The following VPS13B variants were observed in gnomAD, a reference collection of about 807,000 sequenced individuals.
VPS13B encodes vacuolar protein sorting 13 homolog B.
A neutral mutation model predicts 426.4 loss-of-function variants in VPS13B; 285 were observed. The ratio of observed to expected loss-of-function variants is 0.67; its 90% CI spans 0.61 to 0.74. VPS13B has a LOEUF of 0.74. Ranked by LOEUF, VPS13B falls within the 30% of genes least tolerant of loss-of-function variation. The pLI is 0.00. For synonymous variants in VPS13B, 1,676 were observed against 1,676.4 expected (o/e 1.00, Z 0.01); for missense variants, 4,537 against 4,782.6 (o/e 0.95, Z 1.51).
At chr8:99,568,796 C>G (rs1330629984) in intron 31 of VPS13B, among the ~76,000 whole-genome samples, 1 of 150,640 alleles carries the variant, frequency 6.6e-6, no homozygotes, top group African/African-American at 2.4e-5. Context: ...GTGATAACCA[C>G]AAGTTTTTTT....
intron 30 of VPS13B, among the ~76,000 whole-genome samples, chr8:99,543,899 G>C (rs1823790279): frequency 1.4e-5 from 2 of 144,606 alleles, no homozygotes; most frequent in Non-Finnish European, 3.0e-5. Flanking sequence ...GTGGAAGTCA[G>C]TGTGGCGATT....
chr8:99,819,039 T>C, intron 47 of VPS13B, 151 bp downstream of exon 47: 1 of 860,872 alleles, frequency 1.2e-6, no homozygotes. Flanking sequence ...TATGAGAATG[T>C]TATTTTAAAA....
At chr8:99,633,208 A>G (rs1828919685) in intron 33 of VPS13B, among the ~76,000 whole-genome samples, 2 of 152,024 alleles carry the variant, frequency 1.3e-5, no homozygotes, top group African/African-American at 2.4e-5. Context: ...AAGGATTTGT[A>G]TGTATTTCAT....
intron 35 of VPS13B, among the ~76,000 whole-genome samples, chr8:99,680,566 C>T (rs1237219152): frequency 6.6e-6 from 1 of 152,134 alleles, no homozygotes; most frequent in African/African-American, 2.4e-5. Flanking sequence ...TAATAATTGG[C>T]AGGCATGGGT....
intron 17 of VPS13B, among the ~76,000 whole-genome samples, chr8:99,231,712 A>C (rs1816331090): frequency 6.6e-6 from 1 of 152,158 alleles, no homozygotes. Context: ...GAAACACAAG[A>C]GCAAGGTGCT....
chr8:99,744,179 G>C lies in VPS13B; in HGVS notation c.7051-22595G>C, dbSNP rs190022097. ...TGAAGGATATGAACAGACGCTTCTC[G>C]AAAGAAGACATTTATGCAGCCAAAA... On this transcript the variant is annotated intron_variant, in intron 39 of 61. Transcript: ENST00000357162. Among the ~76,000 whole-genome samples the C allele has an allele frequency of 6.3e-3, 962 of 152,126 alleles. 8 individuals are homozygous for C. The highest frequency in any genetic ancestry group is 0.022 in the African/African-American group (904 of 41,484).
chr8:99,691,482 G>C (rs936477642), intron 35 of VPS13B, among the ~76,000 whole-genome samples: 1 of 151,652 alleles, frequency 6.6e-6, no homozygotes, highest in Non-Finnish European at 1.5e-5. Flanking sequence ...TATTGTGCAC[G>C]GGTGACTCAA....
rs1186174436 is a variant in VPS13B, at chr8:99,156,647, G to A, written c.2112G>A (p.Val704=). ...ATAAAATTAATCTGGAACATTCAGT[G>A]CCAATGTATGCTGAACAGTTGGTGC... is the stretch of plus-strand genomic sequence containing the variant. ...LVDKINLEHS[V]PMYAEQLVHV... The change falls in exon 15 of 62, where the codon GTG becomes GTA. Residue 704 remains valine, a synonymous_variant. Transcript: ENST00000357162. 6.2e-7 allele frequency: 1 copy of A among 1,613,940 alleles called. No individual in the cohort carries two copies. The highest frequency in any genetic ancestry group is 8.5e-7 in the Non-Finnish European group (1 of 1,179,924).
chr8:99,686,191 C>T (rs919842567), intron 35 of VPS13B, among the ~76,000 whole-genome samples: 1 of 152,170 alleles, frequency 6.6e-6, no homozygotes, highest in Non-Finnish European at 1.5e-5. Flanking sequence ...TTGTTTTCTT[C>T]CTTTGCTTTC....
In VPS13B at chr8:99,156,669, G is replaced by A. The variant is rs1327188831; in HGVS notation, c.2134G>A (p.Val712Met). ...HSVPMYAEQL[V>M]HVVSSLTQPS... ...AGTGCCAATGTATGCTGAACAGTTG[G>A]TGCATGTGGTCAGCAGCCTTACTCA... Residue 712 changes from valine (V) to methionine (M), a missense_variant, in exon 15 of 62, where the codon GTG becomes ATG. Around this residue, in one of 2 missense-constraint regions of VPS13B, gnomAD observed 4,311 missense variants for 4,474.3 expected, o/e 0.96. Coordinates refer to ENST00000357162, the MANE Select transcript of VPS13B (RefSeq NM_152564.5). The A allele has an allele frequency of 1.9e-6, 3 of 1,614,078 alleles. No individual in the cohort carries two copies. The highest frequency in any genetic ancestry group is 1.7e-6 in the Non-Finnish European group (2 of 1,179,928).
chr8:99,836,460 TG>T (rs1241238858), intron 54 of VPS13B, among the ~76,000 whole-genome samples: 1 of 150,152 alleles, frequency 6.7e-6, no homozygotes, highest in African/African-American at 2.5e-5. Flanking sequence ...TCTTCTTCTT[TG>T]TCTCTGTCTC....
rs568559805 is a variant in VPS13B, at chr8:99,128,342, G to A, written c.1207-6290G>A. ...GTGGAGGTTGCAGTGAGCCAATATC[G>A]TGCCATTGCACTCCAGCCTGGGTGA... is the stretch of plus-strand genomic sequence containing the variant. On this transcript the variant is annotated intron_variant, in intron 8 of 61. Coordinates refer to ENST00000357162, the MANE Select transcript of VPS13B (RefSeq NM_152564.5). Among the ~76,000 whole-genome samples, 8 of 112,138 alleles carry A rather than the reference G, an allele frequency of 7.1e-5. No individual in the cohort carries two copies. In the East Asian group the frequency reaches 1.6e-3, roughly 22 times the overall value. 73.6% of individuals were successfully genotyped at this position (112,138 alleles called of 152,430 possible).
intron 34 of VPS13B, among the ~76,000 whole-genome samples, chr8:99,652,928 CAGAG>C (rs1829880077): frequency 6.6e-6 from 1 of 152,008 alleles, no homozygotes; most frequent in Admixed American, 6.6e-5. Context: ...GTGTATCACT[CAGAG>C]AGAAAGGTGA....
chr8:99,457,766 G>T (rs1818567469), intron 23 of VPS13B, among the ~76,000 whole-genome samples: 1 of 151,928 alleles, frequency 6.6e-6, no homozygotes, highest in Admixed American at 6.5e-5. Context: ...CTGCATCCCA[G>T]AAATTGTGAT....
chr8:99,437,170 C>T (rs1014016213), intron 22 of VPS13B, among the ~76,000 whole-genome samples: 2 of 152,178 alleles, frequency 1.3e-5, no homozygotes, highest in African/African-American at 2.4e-5. Context: ...GAAGTTTGTG[C>T]AGGTAATTAT....
chr8:99,504,018 A>G (rs923719064), intron 27 of VPS13B, among the ~76,000 whole-genome samples: 7 of 152,178 alleles, frequency 4.6e-5, no homozygotes, highest in African/African-American at 1.7e-4. Flanking sequence ...TCATGTGGAA[A>G]TGTGATCCCC....
chr8:99,052,967 C>G (rs995016693), intron 3 of VPS13B, among the ~76,000 whole-genome samples: 3 of 151,906 alleles, frequency 2.0e-5, no homozygotes, highest in Admixed American at 2.0e-4. Context: ...TTTTGTTGAT[C>G]TTTTCAAAAC....
In VPS13B at chr8:99,128,561, T is replaced by G. The variant is rs1321996454; in HGVS notation, c.1207-6071T>G. On this transcript the variant is annotated intron_variant, in intron 8 of 61. Coordinates refer to ENST00000357162, the MANE Select transcript of VPS13B (RefSeq NM_152564.5). ...TCATCTGCTTTTCAGTTTACAAAAA[T>G]TTATGGACTCATTTTTCAGGTTTTG... Among the ~76,000 whole-genome samples the G allele has an allele frequency of 2.0e-5, 3 of 152,090 alleles. No individual in the cohort carries two copies. The East Asian group carries it at 5.8e-4, about 29-fold the overall frequency.
At chr8:99,652,672 TTTAG>T (rs1355609975) in intron 34 of VPS13B, among the ~76,000 whole-genome samples, 3 of 152,090 alleles carry the variant, frequency 2.0e-5, no homozygotes, top group Non-Finnish European at 4.4e-5. Context: ...CTTGATTTCA[TTTAG>T]TTATTGTGAC....
Sources: gnomAD v4.1 joint callset for allele counts (sites outside exome capture counted in the v4.1 genomes callset) on GRCh38, gnomAD v4.1.1 for gene constraint, gnomAD v4.1.1 regional missense constraint, MANE v1.5 for transcripts, NCBI Gene and HGNC (gene_info 2026-07-23, HGNC 2026-07-21) for gene names.